CREBL2: variants seen among roughly 807,000 people sequenced by gnomAD.
The protein encoded by CREBL2 is cAMP responsive element binding protein like 2.
In CREBL2, 4 loss-of-function variants were observed where a neutral mutation model predicts 19.5. That is an observed-to-expected ratio of 0.20 (90% CI 0.10 to 0.47). CREBL2 has a LOEUF of 0.47. Ranked by LOEUF, CREBL2 falls within the 20% of genes least tolerant of loss-of-function variation. The pLI, the probability that CREBL2 is intolerant of heterozygous loss-of-function variation, is 0.98. For missense variants in CREBL2, 85 were observed against 145.1 expected, an observed-to-expected ratio of 0.59 and a Z score of 2.13; for synonymous variants, 42 against 46.6, an observed-to-expected ratio of 0.90 and a Z score of 0.40.
At chr12:12,619,875 G>A (rs1945347039) in intron 1 of CREBL2, among the ~76,000 whole-genome samples, 1 of 152,138 alleles carries the variant, frequency 6.6e-6, no homozygotes, top group Non-Finnish European at 1.5e-5. Context: ...TTTCTACCTT[G>A]TGTTCTACGT....
intron 1 of CREBL2, among the ~76,000 whole-genome samples, chr12:12,627,415 T>G (rs2136303133): frequency 6.6e-6 from 1 of 152,334 alleles, no homozygotes; most frequent in East Asian, 1.9e-4. Context: ...CATTTTTTCT[T>G]CCCTTCTCAG....
chr12:12,642,048 T>G lies in CREBL2; in HGVS notation c.*50T>G, dbSNP rs1945527146. 1 of 1,458,792 alleles carries G rather than the reference T, an allele frequency of 6.9e-7. No individual in the cohort carries two copies. Among genetic ancestry groups the G allele is most frequent in the Non-Finnish European group, 9.5e-7 (1 of 1,050,942 alleles). The allele number at this position is 1,458,792 out of a possible 1,614,324, so 90.4% of individuals were successfully genotyped here. On this transcript the variant is annotated 3_prime_UTR_variant, in exon 4 of 4. Transcript: ENST00000228865. ...ATTGAAGCCAATATTCTGATTCCCA[T>G]GGAAGATGGATGGGCAAGAGTGTAC...
In CREBL2 at chr12:12,639,956, C is replaced by T. The variant is rs533603965; in HGVS notation, c.359-2038C>T. On this transcript the variant is annotated intron_variant, in intron 3 of 3. Transcript: ENST00000228865. Reference sequence around the variant, plus strand: ...ACTAATAAGGGTCTAACAAAGATCACGTGCTTTTGAGGGAACAGGACAAGG... The same window carrying T: ...ACTAATAAGGGTCTAACAAAGATCATGTGCTTTTGAGGGAACAGGACAAGG... 1.5e-3 allele frequency among the ~76,000 whole-genome samples: 226 copies of T among 152,242 alleles called. 1 individual carries two copies. The highest frequency in any genetic ancestry group is 5.0e-3 in the African/African-American group (206 of 41,536).
At position 12,644,995 on chromosome 12, in the gene CREBL2, C is replaced by T. The variant is rs1945553964; in HGVS notation, c.*2997C>T. ...TATTTGATCTCTCAGCCTGCTTTCT[C>T]ATCTGTAAAAAAGGGGGGAGGATAA... is the stretch of plus-strand genomic sequence containing the variant. On this transcript the variant is annotated 3_prime_UTR_variant, in exon 4 of 4. Coordinates refer to ENST00000228865, the MANE Select transcript of CREBL2 (RefSeq NM_001310.4). 6.6e-6 allele frequency: 1 copy of T among 152,150 alleles called. No homozygotes were observed. Among genetic ancestry groups the T allele is most frequent in the Non-Finnish European group, 1.5e-5 (1 of 68,016 alleles). 9.4% of individuals were successfully genotyped at this position (152,150 alleles called of 1,614,324 possible). A position where few individuals can be genotyped will look rare whatever the true frequency, so the allele number is the denominator to read the frequency against.
chr12:12,629,860 G>C (rs1002155975), intron 1 of CREBL2, among the ~76,000 whole-genome samples: 3 of 152,080 alleles, frequency 2.0e-5, no homozygotes, highest in Non-Finnish European at 4.4e-5. Flanking sequence ...GTGTGTGTGA[G>C]ATGAACATGC....
intron 1 of CREBL2, among the ~76,000 whole-genome samples, chr12:12,629,840 CT>C (rs1945429355): frequency 6.6e-6 from 1 of 151,896 alleles, no homozygotes; most frequent in African/African-American, 2.4e-5. Flanking sequence ...CTGTCAAGTC[CT>C]TTTTTTGTGT....
intron 1 of CREBL2, among the ~76,000 whole-genome samples, chr12:12,616,814 G>A (rs1278448563): frequency 2.0e-5 from 3 of 152,216 alleles, no homozygotes; most frequent in Admixed American, 2.0e-4. Flanking sequence ...AAGGGAAGAT[G>A]AGGATTGGGG....
intron 1 of CREBL2, among the ~76,000 whole-genome samples, chr12:12,619,426 C>T (rs999875894): frequency 1.6e-4 from 24 of 152,128 alleles, no homozygotes; most frequent in African/African-American, 5.8e-4. Context: ...CGCAACATGG[C>T]GAAACCCCAT....
At chr12:12,624,723 A>G (rs1285277568) in intron 1 of CREBL2, among the ~76,000 whole-genome samples, 1 of 152,218 alleles carries the variant, frequency 6.6e-6, no homozygotes, top group Non-Finnish European at 1.5e-5. Flanking sequence ...TTAATAGCTC[A>G]GTGGACTCTT....
chr12:12,644,440 C>G lies in CREBL2; in HGVS notation c.*2442C>G, dbSNP rs186673170. The G allele has an allele frequency of 5.2e-5, 8 of 152,612 alleles. No individual in the cohort carries two copies. The East Asian group carries it at 1.5e-3, about 29-fold the overall frequency. The allele number at this position is 152,612 out of a possible 1,614,324, so 9.5% of individuals were successfully genotyped here. ...GAGTCCAGGAGAAGGTGCTGCTCTC[C>G]TTGCTTTCTGAGTAAACAGAGTAAT... On this transcript the variant is annotated 3_prime_UTR_variant, in exon 4 of 4. Transcript: ENST00000228865.
At chr12:12,620,195 C>T (rs1411700522) in intron 1 of CREBL2, among the ~76,000 whole-genome samples, 1 of 152,050 alleles carries the variant, frequency 6.6e-6, no homozygotes, top group Non-Finnish European at 1.5e-5. Context: ...TTAAACAAAT[C>T]TCTGACAGTA....
intron 3 of CREBL2, among the ~76,000 whole-genome samples, chr12:12,641,367 G>T (rs1566117272): frequency 6.7e-6 from 1 of 149,882 alleles, no homozygotes; most frequent in Non-Finnish European, 1.5e-5. Context: ...GAGTGCAGTG[G>T]CACGATCTTG....
chr12:12,635,962 G>C lies in CREBL2; in HGVS notation c.201G>C (p.Glu67Asp). The change falls in exon 2 of 4, where the codon GAG (glutamate) becomes GAC (aspartate). Residue 67 changes from glutamate (E) to aspartate (D), a missense_variant. Glu to Asp is a conservative substitution (Grantham distance 45). Coordinates refer to ENST00000228865, the MANE Select transcript of CREBL2 (RefSeq NM_001310.4). ...SRERAICALR[E>D]ELEMYKQWCM... Reference sequence around the variant, plus strand: ...AAAGAGCTATATGTGCCCTCAGAGAGGAACTGGAAATGGTAAGAAATCGTC... The same window carrying C: ...AAAGAGCTATATGTGCCCTCAGAGACGAACTGGAAATGGTAAGAAATCGTC... 6.2e-7 allele frequency: 1 copy of C among 1,613,248 alleles called. No individual in the cohort carries two copies. Among genetic ancestry groups the C allele is most frequent in the Non-Finnish European group, 8.5e-7 (1 of 1,179,668 alleles).
chr12:12,624,887 G>C (rs1566108360), intron 1 of CREBL2, among the ~76,000 whole-genome samples: 1 of 152,186 alleles, frequency 6.6e-6, no homozygotes, highest in East Asian at 1.9e-4. Context: ...GAATGCAGGG[G>C]ATTTTATTGC....
chr12:12,629,757 A>G (rs1945428558), intron 1 of CREBL2, among the ~76,000 whole-genome samples: 1 of 152,106 alleles, frequency 6.6e-6, no homozygotes, highest in South Asian at 2.1e-4. Context: ...GTAGATGTCC[A>G]TTATCAGATT....
intron 1 of CREBL2, among the ~76,000 whole-genome samples, chr12:12,618,609 C>A (rs1291300888): frequency 6.6e-6 from 1 of 152,188 alleles, no homozygotes; most frequent in South Asian, 2.1e-4. Flanking sequence ...CAGAGACGCT[C>A]CTCACTTCCC....
intron 1 of CREBL2, among the ~76,000 whole-genome samples, chr12:12,626,632 T>C (rs967123621): frequency 1.3e-5 from 2 of 152,188 alleles, no homozygotes; most frequent in African/African-American, 4.8e-5. Context: ...TCTTAGTATA[T>C]TCACAGAATT....
At chr12:12,628,834 C>T (rs888514470) in intron 1 of CREBL2, among the ~76,000 whole-genome samples, 16 of 152,202 alleles carry the variant, frequency 1.1e-4, no homozygotes, top group African/African-American at 3.4e-4. Context: ...AATTATTTTG[C>T]AAGTGGCTAT....
chr12:12,613,966 A>G lies in CREBL2; in HGVS notation c.15+1779A>G, dbSNP rs1470489329. ...TATTTCTTTGGGGAGGGGACATCAC[A>G]CTTCTTTCTTTTTTCTTTTTTTTCT... is the stretch of plus-strand genomic sequence containing the variant. On this transcript the variant is annotated intron_variant, in intron 1 of 3. Coordinates refer to ENST00000228865, the MANE Select transcript of CREBL2 (RefSeq NM_001310.4). 4.3e-5 allele frequency among the ~76,000 whole-genome samples: 6 copies of G among 138,526 alleles called. No homozygotes were observed. The East Asian group carries it at 1.0e-3, about 24-fold the overall frequency. 90.9% of individuals were successfully genotyped at this position (138,526 alleles called of 152,430 possible). A position where few individuals can be genotyped will look rare whatever the true frequency, so the allele number is the denominator to read the frequency against.
Sources: gnomAD v4.1 joint callset for allele counts (sites outside exome capture counted in the v4.1 genomes callset) on GRCh38, gnomAD v4.1.1 for gene constraint, MANE v1.5 for transcripts, NCBI Gene and HGNC (gene_info 2026-07-23, HGNC 2026-07-21) for gene names.